The following CSGALNACT2 variants were observed in gnomAD, a reference collection of about 807,000 sequenced individuals.
CSGALNACT2 encodes chondroitin sulfate N-acetylgalactosaminyltransferase 2.
In CSGALNACT2, 35 loss-of-function variants were observed where a neutral mutation model predicts 55.3. The ratio of observed to expected loss-of-function variants is 0.63; its 90% CI spans 0.48 to 0.84. The LOEUF (loss-of-function observed/expected upper bound fraction) is 0.84, where lower values mean the gene tolerates loss of function less well. Ranked by LOEUF, CSGALNACT2 falls within the 40% of genes least tolerant of loss-of-function variation. The pLI is 0.00. For missense variants in CSGALNACT2, 544 were observed against 657.5 expected (o/e 0.83, Z 1.89); for synonymous variants, 196 against 224.9 (o/e 0.87, Z 1.15).
At chr10:43,177,095 A>G (rs1359693727) in intron 7 of CSGALNACT2, among the ~76,000 whole-genome samples, 1 of 152,178 alleles carries the variant, frequency 6.6e-6, no homozygotes, top group East Asian at 1.9e-4. Flanking sequence ...TCATTGTAAC[A>G]CTTGAATAAT....
At chr10:43,155,901 A>G in intron 2 of CSGALNACT2, 91 bp downstream of exon 2, 1 of 1,055,782 alleles carries the variant, frequency 9.5e-7, no homozygotes, top group South Asian at 1.6e-5. Flanking sequence ...TGTACTGTAG[A>G]CAAATGCTAG....
intron 1 of CSGALNACT2, 131 bp from the exon 2 acceptor site, chr10:43,154,766 C>A (rs1838957263): frequency 6.3e-6 from 1 of 158,264 alleles, no homozygotes; most frequent in African/African-American, 2.4e-5. Context: ...ACTGAATATT[C>A]TAAATTATAT....
chr10:43,173,790 C>T (rs780501564), intron 6 of CSGALNACT2, among the ~76,000 whole-genome samples: 14 of 152,032 alleles, frequency 9.2e-5, no homozygotes, highest in Admixed American at 7.9e-4. Context: ...GTCAAGAGTT[C>T]GATACCAGCC....
At chr10:43,173,791 G>A (rs1035709425) in intron 6 of CSGALNACT2, among the ~76,000 whole-genome samples, 9 of 152,050 alleles carry the variant, frequency 5.9e-5, no homozygotes, top group African/African-American at 1.4e-4. Flanking sequence ...TCAAGAGTTC[G>A]ATACCAGCCT....
rs755541801 is a variant in CSGALNACT2, at chr10:43,155,309, A to G, written c.160A>G (p.Lys54Glu). Reference protein sequence around the residue: ...LPGVVGENYGKEYYQALLQEQ... With the variant: ...LPGVVGENYGEEYYQALLQEQ... ...TGGTGTTGTTGGGGAAAATTATGGT[A>G]AAGAGTATTATCAAGCCCTCCTACA... Residue 54 changes from lysine to glutamate, a missense_variant, in exon 2 of 8, where the codon AAA becomes GAA. By Grantham distance (56) the Lys-to-Glu change is moderately conservative. Transcript: ENST00000374466. 3.7e-6 allele frequency: 6 copies of G among 1,614,148 alleles called. No individual in the cohort carries two copies. Among genetic ancestry groups the G allele is most frequent in the Non-Finnish European group, 1.7e-6 (2 of 1,180,032 alleles).
In CSGALNACT2 at chr10:43,184,298, A is replaced by G. The variant is rs1208299915; in HGVS notation, c.*756A>G. 2.0e-5 allele frequency: 3 copies of G among 152,236 alleles called. No individual in the cohort carries two copies. Among genetic ancestry groups the G allele is most frequent in the African/African-American group, 7.2e-5 (3 of 41,462 alleles). 9.4% of individuals were successfully genotyped at this position (152,236 alleles called of 1,614,324 possible). Reference sequence around the variant, plus strand: ...AACACGGAAACATTTTTAACAGAGCATTTAATTATGTTGGAATACAGGATC... The same window carrying G: ...AACACGGAAACATTTTTAACAGAGCGTTTAATTATGTTGGAATACAGGATC... On this transcript the variant is annotated 3_prime_UTR_variant, in exon 8 of 8. Transcript: ENST00000374466.
intron 7 of CSGALNACT2, among the ~76,000 whole-genome samples, chr10:43,180,012 A>T (rs1378628015): frequency 1.3e-5 from 2 of 152,124 alleles, no homozygotes; most frequent in East Asian, 3.9e-4. Context: ...TGCCCTGAGG[A>T]TGGGGACAGT....
At chr10:43,182,056 A>G (rs1839599810) in intron 7 of CSGALNACT2, among the ~76,000 whole-genome samples, 2 of 150,396 alleles carry the variant, frequency 1.3e-5, no homozygotes, top group African/African-American at 2.5e-5. Context: ...ATAAATGTCC[A>G]TGAAATCTTC....
At position 43,185,195 on chromosome 10, in the gene CSGALNACT2, T is replaced by G. The variant is rs921101471; in HGVS notation, c.*1653T>G. The G allele has an allele frequency of 6.6e-6, 1 of 152,232 alleles. No individual in the cohort carries two copies. The highest frequency in any genetic ancestry group is 1.5e-5 in the Non-Finnish European group (1 of 68,032). The allele number at this position is 152,232 out of a possible 1,614,324, so 9.4% of individuals were successfully genotyped here. On this transcript the variant is annotated 3_prime_UTR_variant, in exon 8 of 8. Transcript: ENST00000374466. ...ATGAGTTTACTTTTGTTCCTGTTGTTTTTAACTAGCTTTAAGTTTAAAGAT... is the reference window on the plus strand; with the variant it reads ...ATGAGTTTACTTTTGTTCCTGTTGTGTTTAACTAGCTTTAAGTTTAAAGAT...
chr10:43,164,812 A>T (rs2133131059), intron 5 of CSGALNACT2, among the ~76,000 whole-genome samples: 1 of 150,740 alleles, frequency 6.6e-6, no homozygotes, highest in South Asian at 2.1e-4. Context: ...ATGCCACTGC[A>T]CTCCAGCCTG....
rs1286663575 is a variant in CSGALNACT2 at position 43,184,468 on chromosome 10, A to G, written c.*926A>G. 6.6e-6 allele frequency: 1 copy of G among 152,186 alleles called. No individual in the cohort carries two copies. The highest frequency in any genetic ancestry group is 1.5e-5 in the Non-Finnish European group (1 of 68,026). The allele number at this position is 152,186 out of a possible 1,614,324, so 9.4% of individuals were successfully genotyped here. ...TGGCATGGATCCATATGTATTTACT[A>G]TCCTTTTTCTAATATATTAATATAT... On this transcript the variant is annotated 3_prime_UTR_variant, in exon 8 of 8. Coordinates refer to ENST00000374466, the MANE Select transcript of CSGALNACT2 (RefSeq NM_018590.5).
In CSGALNACT2 at chr10:43,183,216, G is replaced by T. The variant is rs543644306; in HGVS notation, c.1337-34G>T. On this transcript the variant is annotated intron_variant, in intron 7 of 7. Coordinates refer to ENST00000374466, the MANE Select transcript of CSGALNACT2 (RefSeq NM_018590.5). The stretch of plus-strand genomic sequence containing the variant: ...ATCCCTGTGCTCTGGCTAATAATAG[G>T]CAGTTATTTATAGTGTCAATTTTGA... The T allele has an allele frequency of 9.3e-6, 14 of 1,506,516 alleles. No individual in the cohort carries two copies. The African/African-American group carries it at 1.2e-4, about 13-fold the overall frequency. 93.3% of individuals were successfully genotyped at this position (1,506,516 alleles called of 1,614,324 possible).
In CSGALNACT2 at chr10:43,160,615, A is replaced by C; in HGVS notation, c.980+20A>C. ...CACCAGGTTGGTGAACCACATCTGC[A>C]GTGAAGGCCTTGATATATAACATTG... On this transcript the variant is annotated intron_variant, in intron 4 of 7. Transcript: ENST00000374466. The C allele has an allele frequency of 9.9e-7, 1 of 1,008,612 alleles. No homozygotes were observed. The highest frequency in any genetic ancestry group is 1.3e-5 in the South Asian group (1 of 78,126). The allele number at this position is 1,008,612 out of a possible 1,614,324, so 62.5% of individuals were successfully genotyped here.
At chr10:43,165,282 T>A (rs1201325745) in intron 5 of CSGALNACT2, among the ~76,000 whole-genome samples, 1 of 151,990 alleles carries the variant, frequency 6.6e-6, no homozygotes, top group East Asian at 1.9e-4. Context: ...AAATCTGTTA[T>A]ACAAACATGG....
intron 6 of CSGALNACT2, among the ~76,000 whole-genome samples, chr10:43,169,361 C>T (rs1395771288): frequency 6.6e-6 from 1 of 152,122 alleles, no homozygotes; most frequent in Non-Finnish European, 1.5e-5. Context: ...GAAAAATTAA[C>T]ACATGAGTAT....
chr10:43,141,624 C>CA lies in CSGALNACT2; in HGVS notation c.-254+3084dup, dbSNP rs58889701. Among the ~76,000 whole-genome samples, 57 of 68,918 alleles carry CA rather than the reference C, an allele frequency of 8.3e-4. 3 individuals carry two copies. Among genetic ancestry groups the CA allele is most frequent in the East Asian group, 2.7e-3 (5 of 1,822 alleles). The allele number at this position is 68,918 out of a possible 152,430, so 45.2% of individuals were successfully genotyped here. On this transcript the variant is annotated intron_variant, in intron 1 of 7. Coordinates refer to ENST00000374466, the MANE Select transcript of CSGALNACT2 (RefSeq NM_018590.5). ...AGCCTGGCTGACAGTGAAACTGTCT[C>CA]AAAAAAAAAAAAAAAAAAAAAAAAA...
At chr10:43,142,041 T>C (rs1240560478) in intron 1 of CSGALNACT2, among the ~76,000 whole-genome samples, 2 of 152,234 alleles carry the variant, frequency 1.3e-5, no homozygotes, top group Admixed American at 6.5e-5. Flanking sequence ...TTGTTTAACC[T>C]TTTTATCACA....
intron 7 of CSGALNACT2, among the ~76,000 whole-genome samples, chr10:43,176,664 C>T (rs1815840343): frequency 6.6e-6 from 1 of 152,238 alleles, no homozygotes; most frequent in East Asian, 1.9e-4. Flanking sequence ...CTCCCAGGCT[C>T]AAGCGATCCT....
chr10:43,165,906 T>C (rs1362383991), intron 5 of CSGALNACT2, among the ~76,000 whole-genome samples: 1 of 152,110 alleles, frequency 6.6e-6, no homozygotes, highest in African/African-American at 2.4e-5. Flanking sequence ...TGCTTGAACC[T>C]GGGAGACGGA....
Sources: allele counts gnomAD v4.1 joint callset (sites outside exome capture counted in the v4.1 genomes callset), GRCh38; gene constraint gnomAD v4.1.1; transcripts MANE v1.5; gene names NCBI Gene and HGNC (gene_info 2026-07-23, HGNC 2026-07-21).